Variants in AKR1D1 observed in about 807,000 individuals in gnomAD.
AKR1D1 encodes aldo-keto reductase family 1 member D1.
In AKR1D1, 32 loss-of-function variants were observed where a neutral mutation model predicts 42.6. The observed-to-expected ratio is 0.75, with a 90% confidence interval of 0.57 to 1.01. AKR1D1 has a LOEUF of 1.01. AKR1D1 is among the 50% of genes least tolerant of loss of function. The pLI is 0.00. For missense variants in AKR1D1, 364 were observed against 402.2 expected (o/e 0.91, Z 0.81); for synonymous variants, 123 against 135.5 (o/e 0.91, Z 0.64).
At chr7:138,098,851 G>A (rs925870305) in intron 4 of AKR1D1, among the ~76,000 whole-genome samples, 1 of 152,044 alleles carries the variant, frequency 6.6e-6, no homozygotes, top group South Asian at 2.1e-4. Flanking sequence ...GGAGAGGATC[G>A]GTTGGTCCTT....
intron 3 of AKR1D1, among the ~76,000 whole-genome samples, chr7:138,093,269 A>T (rs951886544): frequency 2.6e-5 from 4 of 152,004 alleles, no homozygotes; most frequent in Non-Finnish European, 4.4e-5. Flanking sequence ...GGGTTTCACC[A>T]TGTTGGCCAG....
chr7:138,098,533 C>T (rs1420305711), intron 4 of AKR1D1, among the ~76,000 whole-genome samples: 1 of 152,112 alleles, frequency 6.6e-6, no homozygotes, highest in East Asian at 1.9e-4. Flanking sequence ...TTGCTTGAAC[C>T]TGGGAGGCAG....
At chr7:138,081,985 G>A (rs1221816235) in intron 1 of AKR1D1, among the ~76,000 whole-genome samples, 1 of 152,106 alleles carries the variant, frequency 6.6e-6, no homozygotes, top group Non-Finnish European at 1.5e-5. Context: ...GCCTTCTCTT[G>A]GAACAACTAA....
At chr7:138,082,633 T>C (rs1803081701) in intron 1 of AKR1D1, among the ~76,000 whole-genome samples, 1 of 152,158 alleles carries the variant, frequency 6.6e-6, no homozygotes, top group South Asian at 2.1e-4. Context: ...ATCAAGCAAT[T>C]CTGCATCAGC....
chr7:138,097,675 C>G (rs1794208788), intron 3 of AKR1D1, among the ~76,000 whole-genome samples, 191 bp from the exon 4 acceptor site: 1 of 152,172 alleles, frequency 6.6e-6, no homozygotes, highest in South Asian at 2.1e-4. Flanking sequence ...CAGGTACTGG[C>G]ATCCCAGGAA....
intron 5 of AKR1D1, among the ~76,000 whole-genome samples, chr7:138,106,183 T>C (rs1335381076): frequency 1.3e-5 from 2 of 152,132 alleles, no homozygotes; most frequent in Admixed American, 1.3e-4. Context: ...GGTTCAGCCT[T>C]ACTAAAAAAA....
intron 1 of AKR1D1, among the ~76,000 whole-genome samples, chr7:138,079,628 C>T (rs1219116268): frequency 6.6e-6 from 1 of 152,208 alleles, no homozygotes; most frequent in Non-Finnish European, 1.5e-5. Context: ...TTGTAAGCAA[C>T]AGCAACTCAT....
At chr7:138,088,220 A>T (rs1411849068) in intron 1 of AKR1D1, among the ~76,000 whole-genome samples, 2 of 152,170 alleles carry the variant, frequency 1.3e-5, no homozygotes. Context: ...ACTGAGGAGT[A>T]TTCCATTCTG....
At chr7:138,079,269 G>A (rs948597308) in intron 1 of AKR1D1, among the ~76,000 whole-genome samples, 3 of 152,150 alleles carry the variant, frequency 2.0e-5, no homozygotes, top group Non-Finnish European at 4.4e-5. Flanking sequence ...TTAAGCTGAG[G>A]ACAGGGTGAA....
At chr7:138,090,565 A>G (rs986075193) in intron 2 of AKR1D1, among the ~76,000 whole-genome samples, 7 of 151,012 alleles carry the variant, frequency 4.6e-5, no homozygotes, top group Non-Finnish European at 2.9e-5. Context: ...TGAACCCGGG[A>G]GGCAGAGGTT....
chr7:138,114,921 G>A (rs1794607189), intron 8 of AKR1D1, among the ~76,000 whole-genome samples: 1 of 152,152 alleles, frequency 6.6e-6, no homozygotes, highest in Non-Finnish European at 1.5e-5. Context: ...GGGTCAGAAA[G>A]TACAGTGACT....
chr7:138,100,230 G>A (rs1794269990), intron 4 of AKR1D1, among the ~76,000 whole-genome samples: 1 of 149,632 alleles, frequency 6.7e-6, no homozygotes, highest in South Asian at 2.1e-4. Context: ...AAAAAGAAAA[G>A]GGGCAATAAA....
chr7:138,084,060 G>A (rs12111721), intron 1 of AKR1D1, among the ~76,000 whole-genome samples: 82,493 of 151,878 alleles, frequency 0.54, 22,789 homozygotes, highest in Middle Eastern at 0.61. Flanking sequence ...AGCAGACTCC[G>A]GCTACATAGG....
chr7:138,114,159 T>A (rs1395604676), intron 8 of AKR1D1, among the ~76,000 whole-genome samples: 3 of 152,118 alleles, frequency 2.0e-5, no homozygotes, highest in Admixed American at 2.0e-4. Flanking sequence ...TAAAAAAAAA[T>A]TTCTAAGGGA....
At chr7:138,104,817 G>T (rs954894266) in intron 4 of AKR1D1, among the ~76,000 whole-genome samples, 1 of 152,056 alleles carries the variant, frequency 6.6e-6, no homozygotes, top group Non-Finnish European at 1.5e-5. Context: ...GGAGTGCAGT[G>T]ACACAGTTAT....
chr7:138,107,927 T>G (rs1189167939), intron 7 of AKR1D1, among the ~76,000 whole-genome samples: 1 of 152,138 alleles, frequency 6.6e-6, no homozygotes, highest in Non-Finnish European at 1.5e-5. Context: ...CAAGCGATCC[T>G]TCCACCTTGA....
rs373481986 is a variant in AKR1D1, at chr7:138,076,485, G to A, written c.-34G>A. The A allele has an allele frequency of 3.2e-6, 5 of 1,573,008 alleles. No homozygotes were observed. Among genetic ancestry groups the A allele is most frequent in the Middle Eastern group, 1.7e-4 (1 of 5,998 alleles). On this transcript the variant is annotated 5_prime_UTR_variant, in exon 1 of 9. Coordinates refer to ENST00000242375, the MANE Select transcript of AKR1D1 (RefSeq NM_005989.4). The stretch of plus-strand genomic sequence containing the variant: ...CCTTTCTAAAAAGACTCCCTGTGGT[G>A]TTCAGAATCACTCCTACAGTCAGGT...
Position 138,097,956 on chromosome 7 carries a change from G to A in AKR1D1, c.456+13G>A. Reference sequence around the variant, plus strand: ...TGCCACTTGGGAGGTAAGTTCAAATGTGCTTCTTATTTTAAAAGACGATAT... The same window carrying A: ...TGCCACTTGGGAGGTAAGTTCAAATATGCTTCTTATTTTAAAAGACGATAT... On this transcript the variant is annotated intron_variant, in intron 4 of 8. Transcript: ENST00000242375. 6.3e-7 allele frequency: 1 copy of A among 1,593,432 alleles called. No individual in the cohort carries two copies. Among genetic ancestry groups the A allele is most frequent in the Middle Eastern group, 1.7e-4 (1 of 5,990 alleles).
chr7:138,101,063 C>G (rs902176388), intron 4 of AKR1D1, among the ~76,000 whole-genome samples: 5 of 151,810 alleles, frequency 3.3e-5, no homozygotes, highest in African/African-American at 1.2e-4. Flanking sequence ...ACAGAAAGAG[C>G]TATAGGATAT....
Sources: allele counts gnomAD v4.1 joint callset (sites outside exome capture counted in the v4.1 genomes callset), GRCh38; gene constraint gnomAD v4.1.1; transcripts MANE v1.5; gene names NCBI Gene and HGNC (gene_info 2026-07-23, HGNC 2026-07-21).